Variants in RERE observed in about 807,000 individuals in gnomAD.
RERE encodes the protein arginine-glutamic acid dipeptide repeats protein.
Under a neutral mutation model 146.1 loss-of-function variants are expected in RERE, and 40 were observed. That is an observed-to-expected ratio of 0.27 (90% CI 0.21 to 0.36). The LOEUF is 0.36. Ranked by LOEUF, RERE falls within the 10% of genes least tolerant of loss-of-function variation. RERE has a pLI of 1.00. For synonymous variants in RERE, 1,003 were observed against 866.0 expected (o/e 1.16, Z -2.78); for missense variants, 1,933 against 2,138.7 (o/e 0.90, Z 1.90).
chr1:8,561,410 G>A (rs1384355859), intron 4 of RERE, among the ~76,000 whole-genome samples: 1 of 152,154 alleles, frequency 6.6e-6, no homozygotes, highest in East Asian at 1.9e-4. Context: ...ATAAAGGGAG[G>A]CAGTGTGTGG....
Position 8,516,227 on chromosome 1 carries a change from G to GGAAAAAAAAAAAAAAAAAAAAAAA in RERE, c.831-7553_831-7552insTTTTTTTTTTTTTTTTTTTTTTTC, listed in dbSNP as rs573135224. Among the ~76,000 whole-genome samples the GGAAAAAAAAAAAAAAAAAAAAAAA allele has an allele frequency of 3.1e-4, 16 of 52,306 alleles. 5 individuals are homozygous for GGAAAAAAAAAAAAAAAAAAAAAAA. The highest frequency in any genetic ancestry group is 1.3e-3 in the African/African-American group (15 of 11,626). The allele number at this position is 52,306 out of a possible 152,430, so 34.3% of individuals were successfully genotyped here. A position where few individuals can be genotyped will look rare whatever the true frequency, so the allele number is the denominator to read the frequency against. On this transcript the variant is annotated intron_variant, in intron 7 of 22. Transcript: ENST00000400908. ...GGGACGGAGCAAGACTCTCTCAGAG[G>GGAAAAAAAAAAAAAAAAAAAAAAA]AAAAAAAAAAAAAAAAAAAAAATCT...
chr1:8,517,048 T>C (rs1035947947), intron 7 of RERE, among the ~76,000 whole-genome samples: 2 of 152,134 alleles, frequency 1.3e-5, no homozygotes, highest in East Asian at 1.9e-4. Flanking sequence ...AAGCTATCCA[T>C]GTGATAAAAT....
chr1:8,611,054 G>C (rs1194046275), intron 4 of RERE, among the ~76,000 whole-genome samples: 5 of 152,032 alleles, frequency 3.3e-5, no homozygotes, highest in African/African-American at 4.8e-5. Context: ...AAATTGCCAG[G>C]TGTGGTGGAA....
intron 1 of RERE, among the ~76,000 whole-genome samples, chr1:8,718,827 C>T (rs1639808746): frequency 6.6e-6 from 1 of 152,182 alleles, no homozygotes; most frequent in Non-Finnish European, 1.5e-5. Context: ...GTACCCACTG[C>T]ACAAGGTTAT....
Position 8,361,208 on chromosome 1 carries a change from T to C in RERE, c.2299A>G (p.Thr767Ala). 1 of 1,509,452 alleles carries C rather than the reference T, an allele frequency of 6.6e-7. No individual in the cohort carries two copies. Among genetic ancestry groups the C allele is most frequent in the Non-Finnish European group, 8.8e-7 (1 of 1,135,196 alleles). 93.5% of individuals were successfully genotyped at this position (1,509,452 alleles called of 1,614,324 possible). A position where few individuals can be genotyped will look rare whatever the true frequency, so the allele number is the denominator to read the frequency against. The change falls in exon 18 of 23, where the codon ACG becomes GCG. Residue 767 changes from threonine (T) to alanine (A), a missense_variant. By Grantham distance (58) the Thr-to-Ala change is moderately conservative (BLOSUM62 0). Transcript: ENST00000400908. ...GTPQLPTPGP[T>A]PSATAVPPQG... The stretch of plus-strand genomic sequence containing the variant: ...GGGGGAACTGCAGTGGCAGAGGGCG[T>C]GGGCCCTGGCGTGGGCAGCTGAGGG...
intron 4 of RERE, among the ~76,000 whole-genome samples, chr1:8,573,127 A>G (rs755307745): frequency 6.6e-6 from 1 of 152,038 alleles, no homozygotes; most frequent in African/African-American, 2.4e-5. Context: ...TATCTTTCTT[A>G]TTTTTCTTTT....
At chr1:8,797,634 G>C (rs927638707) in intron 1 of RERE, among the ~76,000 whole-genome samples, 2 of 151,984 alleles carry the variant, frequency 1.3e-5, no homozygotes, top group Non-Finnish European at 2.9e-5. Flanking sequence ...TTTCACTTCA[G>C]GTTTTATATT....
At chr1:8,504,580 G>A (rs190139048) in intron 8 of RERE, among the ~76,000 whole-genome samples, 4 of 152,150 alleles carry the variant, frequency 2.6e-5, no homozygotes, top group African/African-American at 4.8e-5. Flanking sequence ...GTGGCCAGGC[G>A]CGGTGGCTCA....
At chr1:8,411,317 C>CTT (rs35754702) in intron 12 of RERE, among the ~76,000 whole-genome samples, 4,523 of 139,910 alleles carry the variant, frequency 0.032, 168 homozygotes, top group African/African-American at 0.088. Flanking sequence ...GGCTTCAAGT[C>CTT]TTTTTTTTTT....
chr1:8,363,859 C>G (rs957563255), intron 15 of RERE, 197 bp downstream of exon 15: 60 of 605,130 alleles, frequency 9.9e-5, no homozygotes, highest in Admixed American at 1.5e-4. Flanking sequence ...GGATGCCACC[C>G]TGGGGCCCCT....
chr1:8,573,948 A>C (rs1334408770), intron 4 of RERE, among the ~76,000 whole-genome samples: 1 of 151,234 alleles, frequency 6.6e-6, no homozygotes, highest in Non-Finnish European at 1.5e-5. Context: ...TGGGACTCCA[A>C]GCAAATGCCA....
chr1:8,567,077 C>T lies in RERE; in HGVS notation c.523-9554G>A, dbSNP rs143771710. ...GTGCTGGGATTTCTGGTGTGAGGCA[C>T]CGCACCCGGCCAGAACTAGCATAAT... On this transcript the variant is annotated intron_variant, in intron 4 of 22. Coordinates refer to ENST00000400908, the MANE Select transcript of RERE (RefSeq NM_001042681.2). Among the ~76,000 whole-genome samples the T allele has an allele frequency of 6.6e-4, 100 of 152,196 alleles. No individual in the cohort carries two copies. The East Asian group carries it at 0.017, about 26-fold the overall frequency.
intron 4 of RERE, among the ~76,000 whole-genome samples, chr1:8,576,462 T>C (rs1410389334): frequency 1.3e-5 from 2 of 152,130 alleles, no homozygotes; most frequent in Non-Finnish European, 2.9e-5. Flanking sequence ...GTTTCAGGAA[T>C]TTAGTCCATA....
intron 7 of RERE, among the ~76,000 whole-genome samples, chr1:8,514,076 GC>G (rs1557667507): frequency 6.6e-6 from 1 of 152,210 alleles, no homozygotes; most frequent in Non-Finnish European, 1.5e-5. Flanking sequence ...CATAAGAAAT[GC>G]CTTTCAGTGT....
intron 5 of RERE, among the ~76,000 whole-genome samples, chr1:8,556,960 C>T (rs998655593): frequency 1.3e-5 from 2 of 151,772 alleles, no homozygotes; most frequent in African/African-American, 4.8e-5. Context: ...TACACAGTTT[C>T]CATTGATAAG....
intron 8 of RERE, among the ~76,000 whole-genome samples, chr1:8,499,130 G>A (rs1415806851): frequency 1.3e-5 from 2 of 152,238 alleles, no homozygotes; most frequent in Non-Finnish European, 2.9e-5. Context: ...TGAAAAGTCA[G>A]ATATTTGCAA....
chr1:8,381,060 A>C (rs914914485), intron 12 of RERE: 2 of 455,204 alleles, frequency 4.4e-6, no homozygotes, highest in African/African-American at 4.0e-5. Flanking sequence ...CTGCTGGCCC[A>C]CCCCTCCAGC....
rs1457969319 is a variant in RERE at position 8,360,681 on chromosome 1, T to G, written c.2826A>C (p.Pro942=). ...GGTGGGGAGGGTGCTTGTGGGCCTGTGGCGCCGGCAGCTGGGGGATGGGAG... is the reference window on the plus strand; with the variant it reads ...GGTGGGGAGGGTGCTTGTGGGCCTGGGGCGCCGGCAGCTGGGGGATGGGAG... ...PTTPIPQLPA[P]QAHKHPPHLS... Residue 942 remains proline (P), a synonymous_variant, in exon 18 of 23, where the codon CCA becomes CCC. Coordinates refer to ENST00000400908, the MANE Select transcript of RERE (RefSeq NM_001042681.2). 1.3e-6 allele frequency: 2 copies of G among 1,511,026 alleles called. No homozygotes were observed. Among genetic ancestry groups the G allele is most frequent in the Non-Finnish European group, 1.8e-6 (2 of 1,133,416 alleles). 93.6% of individuals were successfully genotyped at this position (1,511,026 alleles called of 1,614,324 possible).
chr1:8,471,418 T>G (rs192388953), intron 10 of RERE, among the ~76,000 whole-genome samples: 6 of 151,926 alleles, frequency 3.9e-5, no homozygotes, highest in Non-Finnish European at 7.4e-5. Context: ...GCTCAAGCAG[T>G]CCTCCCACTT....
Sources: allele counts gnomAD v4.1 joint callset (sites outside exome capture counted in the v4.1 genomes callset), GRCh38; gene constraint gnomAD v4.1.1; transcripts MANE v1.5; gene names NCBI Gene and HGNC (gene_info 2026-07-23, HGNC 2026-07-21).